The following GADL1 variants were observed in gnomAD, a reference collection of about 807,000 sequenced individuals.
GADL1 encodes acidic amino acid decarboxylase GADL1.
Under a neutral mutation model 69.5 loss-of-function variants are expected in GADL1, and 71 were observed. That is an observed-to-expected ratio of 1.02 (90% CI 0.84 to 1.25). The LOEUF is 1.25. Ranked by LOEUF, GADL1 falls within the 50% of genes most tolerant of loss-of-function variation. The probability of loss-of-function intolerance (pLI) is 0.00; values close to 1 mark genes in which losing one functional copy is unlikely to be tolerated. For missense variants in GADL1, 737 were observed against 631.8 expected (o/e 1.17, Z -1.79); for synonymous variants, 254 against 214.4 (o/e 1.18, Z -1.62).
chr3:30,738,969 C>T (rs992232331), intron 14 of GADL1, among the ~76,000 whole-genome samples: 3 of 152,150 alleles, frequency 2.0e-5, no homozygotes, highest in Non-Finnish European at 2.9e-5. Context: ...ACAATTTTCT[C>T]TTTTGATTTA....
At chr3:30,809,208 T>C (rs1049812996) in intron 11 of GADL1, among the ~76,000 whole-genome samples, 4 of 152,248 alleles carry the variant, frequency 2.6e-5, no homozygotes, top group Non-Finnish European at 5.9e-5. Context: ...CTATGGCATG[T>C]CTTTAATTCA....
chr3:30,893,519 T>G (rs919996380), intron 1 of GADL1, among the ~76,000 whole-genome samples: 5 of 152,156 alleles, frequency 3.3e-5, no homozygotes, highest in African/African-American at 1.2e-4. Context: ...TGACCTACCT[T>G]TCTACAGCCC....
chr3:30,829,302 A>C (rs141728479), intron 11 of GADL1, among the ~76,000 whole-genome samples: 2 of 151,956 alleles, frequency 1.3e-5, no homozygotes, highest in Admixed American at 6.6e-5. Context: ...TTGTTCCTGA[A>C]GCAGTCCTAT....
At chr3:30,828,333 T>C (rs946922537) in intron 11 of GADL1, among the ~76,000 whole-genome samples, 1 of 151,870 alleles carries the variant, frequency 6.6e-6, no homozygotes, top group Non-Finnish European at 1.5e-5. Flanking sequence ...AATTCTGTCT[T>C]TTCCTGGTGA....
intron 11 of GADL1, among the ~76,000 whole-genome samples, chr3:30,809,317 A>T (rs144625834): frequency 6.6e-6 from 1 of 152,166 alleles, no homozygotes; most frequent in African/African-American, 2.4e-5. Context: ...TCCGGTTTGC[A>T]TACAGCTTGG....
intron 11 of GADL1, among the ~76,000 whole-genome samples, chr3:30,825,256 G>C (rs917761184): frequency 5.9e-5 from 9 of 151,836 alleles, no homozygotes; most frequent in African/African-American, 2.2e-4. Flanking sequence ...CTATTTTAGA[G>C]TTTTTATTTT....
In GADL1 at chr3:30,778,602, TCTC is replaced by T. The variant is rs1196821777; in HGVS notation, c.1303-337_1303-335del. The T allele has an allele frequency of 1.6e-5, 3 of 190,290 alleles. No homozygotes were observed. The Admixed American group carries it at 1.6e-4, about 10-fold the overall frequency. 11.8% of individuals were successfully genotyped at this position (190,290 alleles called of 1,614,324 possible). On this transcript the variant is annotated intron_variant, in intron 13 of 14. Transcript: ENST00000282538. ...GCTCAGAGATGCCCTGGATCCTCTC[TCTC>T]CAACACTGATCCTTAAGTTATTTGC...
intron 14 of GADL1, among the ~76,000 whole-genome samples, chr3:30,754,003 T>C (rs982290826): frequency 3.9e-5 from 6 of 152,128 alleles, no homozygotes; most frequent in African/African-American, 9.6e-5. Flanking sequence ...CAAGGAGGAC[T>C]GAGGTGGTGA....
intron 8 of GADL1, among the ~76,000 whole-genome samples, chr3:30,839,913 C>A (rs1697940366): frequency 6.6e-6 from 1 of 151,990 alleles, no homozygotes; most frequent in Admixed American, 6.6e-5. Flanking sequence ...GGACTCTATG[C>A]CAATCAGATA....
chr3:30,867,155 T>C (rs1698415457), intron 1 of GADL1, among the ~76,000 whole-genome samples: 1 of 151,944 alleles, frequency 6.6e-6, no homozygotes, highest in African/African-American at 2.4e-5. Context: ...TTAATGAAGA[T>C]TCAGAATCCG....
chr3:30,773,862 C>A (rs1268009720), intron 14 of GADL1, among the ~76,000 whole-genome samples: 1 of 152,110 alleles, frequency 6.6e-6, no homozygotes, highest in Non-Finnish European at 1.5e-5. Flanking sequence ...AAAAATGGTA[C>A]AAAATTTACC....
intron 11 of GADL1, among the ~76,000 whole-genome samples, chr3:30,813,775 C>T (rs1335405393): frequency 6.6e-6 from 1 of 152,200 alleles, no homozygotes; most frequent in African/African-American, 2.4e-5. Context: ...ATATTACTGA[C>T]ATTACTATAA....
intron 11 of GADL1, among the ~76,000 whole-genome samples, chr3:30,821,575 T>A (rs192022193): frequency 1.3e-3 from 194 of 152,098 alleles, no homozygotes; most frequent in Non-Finnish European, 2.1e-3. Flanking sequence ...AAATAAGATC[T>A]GAATAAATAT....
At chr3:30,739,675 C>G (rs72852540) in intron 14 of GADL1, among the ~76,000 whole-genome samples, 13,445 of 152,050 alleles carry the variant, frequency 0.088, 1,587 homozygotes, top group African/African-American at 0.27. Flanking sequence ...AGAGGCAAAA[C>G]CTGAACTTTT....
At chr3:30,894,046 A>G (rs540894527) in intron 1 of GADL1, among the ~76,000 whole-genome samples, 5 of 152,354 alleles carry the variant, frequency 3.3e-5, no homozygotes, top group South Asian at 4.1e-4. Flanking sequence ...GACAGTTTGG[A>G]GGAATTCTGC....
At position 30,752,927 on chromosome 3, in the gene GADL1, C is replaced by T. The variant is rs553922331; in HGVS notation, c.1393-24512G>A. On this transcript the variant is annotated intron_variant, in intron 14 of 14. Coordinates refer to ENST00000282538, the MANE Select transcript of GADL1 (RefSeq NM_207359.3). ...GGCAAGCTGGTAGGGCTTCTGAATT[C>T]AGTTGAGAACACAATCCTCGTTTTT... is the stretch of plus-strand genomic sequence containing the variant. Among the ~76,000 whole-genome samples, 10 of 149,960 alleles carry T rather than the reference C, an allele frequency of 6.7e-5. No individual in the cohort carries two copies. In the South Asian group the frequency reaches 8.7e-4, roughly 13 times the overall value.
chr3:30,760,484 C>A (rs544170293), intron 14 of GADL1, among the ~76,000 whole-genome samples: 10 of 152,278 alleles, frequency 6.6e-5, no homozygotes, highest in African/African-American at 2.4e-4. Context: ...AGCTGGCATT[C>A]CTCCTAACAT....
At chr3:30,735,104 T>C (rs950992546) in intron 14 of GADL1, among the ~76,000 whole-genome samples, 7 of 152,156 alleles carry the variant, frequency 4.6e-5, no homozygotes, top group African/African-American at 9.7e-5. Flanking sequence ...CCTTCTGGAA[T>C]AGAAAAATAG....
chr3:30,883,489 C>A (rs1698668412), intron 1 of GADL1, among the ~76,000 whole-genome samples: 1 of 151,928 alleles, frequency 6.6e-6, no homozygotes. Context: ...ATTTCTCTAT[C>A]CTATTCCATT....
Sources: gnomAD v4.1 joint callset for allele counts (sites outside exome capture counted in the v4.1 genomes callset) on GRCh38, gnomAD v4.1.1 for gene constraint, MANE v1.5 for transcripts, NCBI Gene and HGNC (gene_info 2026-07-23, HGNC 2026-07-21) for gene names.